Variants in MTO1 observed in about 807,000 individuals in gnomAD.
MTO1 encodes the protein 5-taurinomethyluridine-[tRNA] synthase subunit MTO1, mitochondrial.
A neutral mutation model predicts 71.6 loss-of-function variants in MTO1; 46 were observed. The observed-to-expected ratio is 0.64, with a 90% CI of 0.51 to 0.82. The LOEUF (loss-of-function observed/expected upper bound fraction) is 0.82. Ranked by LOEUF, MTO1 falls within the 40% of genes least tolerant of loss-of-function variation. The pLI is 0.00. For missense variants in MTO1, 773 were observed against 867.5 expected (o/e 0.89, Z 1.37); for synonymous variants, 297 against 312.1 (o/e 0.95, Z 0.51).
intron 1 of MTO1, among the ~76,000 whole-genome samples, chr6:73,463,797 G>A (rs1364443527): frequency 1.3e-5 from 2 of 152,048 alleles, no homozygotes; most frequent in Non-Finnish European, 1.5e-5. Context: ...CTAGAATGCA[G>A]TGGCGCGATC....
Position 73,503,586 on chromosome 6 carries a change from A to G in MTO1, c.*2851A>G, listed in dbSNP as rs1475013281. 1.3e-5 allele frequency: 2 copies of G among 152,236 alleles called. No homozygotes were observed. Among genetic ancestry groups the G allele is most frequent in the Non-Finnish European group, 2.9e-5 (2 of 68,054 alleles). The allele number at this position is 152,236 out of a possible 1,614,324, so 9.4% of individuals were successfully genotyped here. A position where few individuals can be genotyped will look rare whatever the true frequency, so the allele number is the denominator to read the frequency against. The stretch of plus-strand genomic sequence containing the variant: ...CTTACTCAATGTAGTTACTTCATAG[A>G]AATCCCATCACTGACAATAATCAGC... On this transcript the variant is annotated 3_prime_UTR_variant, in exon 12 of 12. Transcript: ENST00000498286.
chr6:73,462,962 G>T (rs547126474), intron 1 of MTO1, among the ~76,000 whole-genome samples: 18 of 151,554 alleles, frequency 1.2e-4, no homozygotes, highest in Admixed American at 4.6e-4. Flanking sequence ...ACTCTGCCCA[G>T]CCTGATCTTT....
At chr6:73,489,575 G>C (rs1229683536) in intron 9 of MTO1, among the ~76,000 whole-genome samples, 1 of 151,856 alleles carries the variant, frequency 6.6e-6, no homozygotes, top group Admixed American at 6.6e-5. Flanking sequence ...TCAGAATGAT[G>C]GTTTCCAGCT....
intron 7 of MTO1, among the ~76,000 whole-genome samples, chr6:73,481,411 T>A (rs1771488129): frequency 6.6e-6 from 1 of 151,840 alleles, no homozygotes; most frequent in African/African-American, 2.4e-5. Context: ...AAGTCAGAAA[T>A]TATTTTATTT....
intron 1 of MTO1, chr6:73,462,344 G>A (rs1226368806): frequency 7.5e-6 from 3 of 402,222 alleles, no homozygotes; most frequent in Non-Finnish European, 1.3e-5. Context: ...GGGAAAGGGA[G>A]CTACCAACTA....
intron 7 of MTO1, 73 bp downstream of exon 7, chr6:73,480,878 T>G: frequency 6.7e-7 from 1 of 1,485,724 alleles, no homozygotes; most frequent in African/African-American, 1.4e-5. Flanking sequence ...ATGTCTGTTG[T>G]GTTAACTATG....
chr6:73,499,310 G>A (rs1772088741), intron 11 of MTO1, among the ~76,000 whole-genome samples: 1 of 151,914 alleles, frequency 6.6e-6, no homozygotes, highest in African/African-American at 2.4e-5. Context: ...AGGCTACACT[G>A]CCACACTGTC....
intron 3 of MTO1, chr6:73,471,441 T>G: frequency 4.4e-6 from 2 of 450,860 alleles, no homozygotes. Flanking sequence ...TTGAGACAAG[T>G]TCTCTCCCTC....
At chr6:73,485,130 C>T (rs551267161) in intron 9 of MTO1, among the ~76,000 whole-genome samples, 3 of 151,570 alleles carry the variant, frequency 2.0e-5, no homozygotes, top group Non-Finnish European at 4.4e-5. Flanking sequence ...TAGGAACTTG[C>T]ATTGAATGTG....
At position 73,504,153 on chromosome 6, in the gene MTO1, ACAAG is replaced by A. The variant is rs1772228053; in HGVS notation, c.*3419_*3422del. On this transcript the variant is annotated 3_prime_UTR_variant, in exon 12 of 12. Coordinates refer to ENST00000498286, the MANE Select transcript of MTO1 (RefSeq NM_012123.4). Reference sequence around the variant, plus strand: ...TCTACCTTAATGTTTTTATTTAGAGACAAGATCTCACTCTGCCACCCTGGCTGGA... The same window carrying A: ...TCTACCTTAATGTTTTTATTTAGAGAATCTCACTCTGCCACCCTGGCTGGA... 6.6e-6 allele frequency: 1 copy of A among 152,200 alleles called. No individual in the cohort carries two copies. The highest frequency in any genetic ancestry group is 2.4e-5 in the African/African-American group (1 of 41,442). The allele number at this position is 152,200 out of a possible 1,614,324, so 9.4% of individuals were successfully genotyped here.
At chr6:73,500,172 G>T (rs1166450915) in intron 11 of MTO1, among the ~76,000 whole-genome samples, 1 of 152,020 alleles carries the variant, frequency 6.6e-6, no homozygotes, top group Non-Finnish European at 1.5e-5. Flanking sequence ...GCTAATTTTT[G>T]TTTATTTTCT....
chr6:73,485,958 C>T (rs921694304), intron 9 of MTO1, among the ~76,000 whole-genome samples: 2 of 149,702 alleles, frequency 1.3e-5, no homozygotes, highest in Non-Finnish European at 3.0e-5. Context: ...CACACACACA[C>T]ATTTTCTGTC....
intron 7 of MTO1, among the ~76,000 whole-genome samples, chr6:73,481,769 G>A (rs905086859): frequency 7.2e-5 from 11 of 151,852 alleles, no homozygotes; most frequent in Admixed American, 2.6e-4. Flanking sequence ...CCCTGTCTCC[G>A]GATAAAAAAA....
rs956791492 is a variant in MTO1 at position 73,501,903 on chromosome 6, G to A, written c.*1168G>A. 3.3e-5 allele frequency: 5 copies of A among 152,104 alleles called. No homozygotes were observed. Among genetic ancestry groups the A allele is most frequent in the African/African-American group, 1.2e-4 (5 of 41,408 alleles). The allele number at this position is 152,104 out of a possible 1,614,324, so 9.4% of individuals were successfully genotyped here. ...AACCAAGTATCTTGTTACTATAATTGCATATGGCCACTTGGAGGTAGCTTA... is the reference window on the plus strand; with the variant it reads ...AACCAAGTATCTTGTTACTATAATTACATATGGCCACTTGGAGGTAGCTTA... On this transcript the variant is annotated 3_prime_UTR_variant, in exon 12 of 12. Coordinates refer to ENST00000498286, the MANE Select transcript of MTO1 (RefSeq NM_012123.4).
rs1461191759 is a variant in MTO1 at position 73,466,321 on chromosome 6, T to C, written c.330T>C (p.His110=). The change falls in exon 2 of 12, where the codon CAT becomes CAC. Residue 110 remains histidine (H), a synonymous_variant. Coordinates refer to ENST00000498286, the MANE Select transcript of MTO1 (RefSeq NM_012123.4). ...GCATCTGTGACCAGTCTGGTGTACATTATAAAGTATTAAACCGGCGTAAGG... is the reference window on the plus strand; with the variant it reads ...GCATCTGTGACCAGTCTGGTGTACACTATAAAGTATTAAACCGGCGTAAGG... The part of the protein sequence containing the change: ...CSRICDQSGV[H]YKVLNRRKGP... The C allele has an allele frequency of 1.2e-6, 2 of 1,614,038 alleles. No homozygotes were observed. The highest frequency in any genetic ancestry group is 1.1e-5 in the South Asian group (1 of 91,092).
At position 73,466,617 on chromosome 6, in the gene MTO1, G is replaced by T; in HGVS notation, c.535+11G>T. 6.3e-7 allele frequency: 1 copy of T among 1,595,714 alleles called. No homozygotes were observed. Among genetic ancestry groups the T allele is most frequent in the Non-Finnish European group, 8.6e-7 (1 of 1,163,380 alleles). On this transcript the variant is annotated intron_variant, in intron 3 of 11. Transcript: ENST00000498286. ...GTGGGGTTGTTTTGGGTACGTATTG[G>T]TTATAGATGGTGTATGATAACAGCA... is the stretch of plus-strand genomic sequence containing the variant.
chr6:73,470,257 A>C (rs1414660657), intron 3 of MTO1, among the ~76,000 whole-genome samples: 1 of 151,552 alleles, frequency 6.6e-6, no homozygotes, highest in Non-Finnish European at 1.5e-5. Flanking sequence ...CCCAGGCTGG[A>C]GTGCAATGGC....
chr6:73,496,456 A>G (rs1771978953), intron 10 of MTO1, among the ~76,000 whole-genome samples: 1 of 151,954 alleles, frequency 6.6e-6, no homozygotes, highest in African/African-American at 2.4e-5. Flanking sequence ...GATAATTTAA[A>G]AAACCATTTT....
intron 11 of MTO1, among the ~76,000 whole-genome samples, chr6:73,499,079 AT>A (rs568735774): frequency 1.7e-3 from 258 of 148,904 alleles, no homozygotes; most frequent in Middle Eastern, 0.01. Context: ...TTTAATGGAC[AT>A]TTTTTTTTTA....
Sources: gnomAD v4.1 joint callset for allele counts (sites outside exome capture counted in the v4.1 genomes callset) on GRCh38, gnomAD v4.1.1 for gene constraint, MANE v1.5 for transcripts, NCBI Gene and HGNC (gene_info 2026-07-23, HGNC 2026-07-21) for gene names.